The following TM9SF2 variants were observed in gnomAD, a reference collection of about 807,000 sequenced individuals.
TM9SF2 encodes 76 kDa membrane protein.
In TM9SF2, 13 loss-of-function variants were observed where a neutral mutation model predicts 84.9. That is an observed-to-expected ratio of 0.15 (90% CI 0.10 to 0.24). The LOEUF (loss-of-function observed/expected upper bound fraction) is 0.24. Ranked by LOEUF, TM9SF2 falls within the 10% of genes least tolerant of loss-of-function variation. The probability of loss-of-function intolerance (pLI) is 1.00; values close to 1 mark genes in which losing one functional copy is unlikely to be tolerated. For missense variants in TM9SF2, 562 were observed against 818.5 expected (o/e 0.69, Z 3.82); for synonymous variants, 273 against 285.8 (o/e 0.96, Z 0.45).
intron 1 of TM9SF2, among the ~76,000 whole-genome samples, chr13:99,511,198 A>G (rs951580363): frequency 8.5e-5 from 13 of 152,102 alleles, no homozygotes; most frequent in African/African-American, 2.9e-4. Flanking sequence ...CAAAAAGTTG[A>G]AAGAGTAGTG....
intron 1 of TM9SF2, among the ~76,000 whole-genome samples, chr13:99,510,997 T>C (rs891674221): frequency 2.0e-5 from 3 of 152,204 alleles, no homozygotes; most frequent in Admixed American, 1.3e-4. Flanking sequence ...ACTATTTTTT[T>C]CCTATTTAAT....
At chr13:99,519,925 C>T in intron 2 of TM9SF2, 111 bp from the exon 3 acceptor site, 1 of 825,818 alleles carries the variant, frequency 1.2e-6, no homozygotes, top group South Asian at 1.8e-5. Flanking sequence ...TCTTACTCAT[C>T]TACTAGAGCT....
intron 3 of TM9SF2, among the ~76,000 whole-genome samples, chr13:99,520,917 G>A (rs16956643): frequency 0.017 from 2,570 of 152,152 alleles, 77 homozygotes; most frequent in African/African-American, 0.059. Flanking sequence ...TACATTTTTC[G>A]AACACCAGTT....
chr13:99,557,981 A>G (rs988460207), intron 15 of TM9SF2, among the ~76,000 whole-genome samples: 1 of 152,172 alleles, frequency 6.6e-6, no homozygotes, highest in African/African-American at 2.4e-5. Flanking sequence ...TCATTGATCT[A>G]TTTTGAGTTA....
intron 16 of TM9SF2, among the ~76,000 whole-genome samples, chr13:99,560,743 G>A (rs143439343): frequency 0.01 from 1,528 of 152,096 alleles, 29 homozygotes; most frequent in African/African-American, 0.034. Flanking sequence ...GTGCAGTGGC[G>A]CGATCTCAGC....
chr13:99,555,724 T>G, intron 15 of TM9SF2, 77 bp downstream of exon 15: 2 of 869,894 alleles, frequency 2.3e-6, no homozygotes, highest in Non-Finnish European at 3.5e-6. Context: ...TATTATTAAT[T>G]AAAATAATTT....
At chr13:99,552,555 T>C (rs1450467506) in intron 13 of TM9SF2, among the ~76,000 whole-genome samples, 1 of 152,156 alleles carries the variant, frequency 6.6e-6, no homozygotes, top group East Asian at 1.9e-4. Context: ...TAATATAGAT[T>C]AATTGGGAAA....
intron 4 of TM9SF2, among the ~76,000 whole-genome samples, chr13:99,533,999 A>T (rs552786122): frequency 6.6e-6 from 1 of 152,262 alleles, no homozygotes; most frequent in East Asian, 1.9e-4. Context: ...GGGCTTTAGC[A>T]CATAATTTGA....
intron 1 of TM9SF2, among the ~76,000 whole-genome samples, chr13:99,515,714 T>C (rs961483303): frequency 2.0e-5 from 3 of 151,718 alleles, no homozygotes; most frequent in Admixed American, 1.3e-4. Flanking sequence ...TTAATCTCCC[T>C]ATCCCTATGA....
intron 4 of TM9SF2, among the ~76,000 whole-genome samples, chr13:99,532,337 A>G (rs1313899337): frequency 6.6e-6 from 1 of 151,998 alleles, no homozygotes; most frequent in African/African-American, 2.4e-5. Context: ...AGTGTGAGCC[A>G]CCGCGCCCGG....
Position 99,552,185 on chromosome 13 carries a change from C to T in TM9SF2, c.1347C>T (p.Phe449=), listed in dbSNP as rs763482016. 1.2e-6 allele frequency: 2 copies of T among 1,613,796 alleles called. No homozygotes were observed. The highest frequency in any genetic ancestry group is 2.2e-5 in the East Asian group (1 of 44,848). ...FLCPGIVFAD[F]FIMNLILWGE... ...CTTTCAGGATTGTATTTGCTGACTT[C>T]TTTATAATGAATCTGATCCTCTGGG... Residue 449 remains phenylalanine (F), a synonymous_variant, in exon 13 of 17, where the codon TTC becomes TTT. Coordinates refer to ENST00000376387, the MANE Select transcript of TM9SF2 (RefSeq NM_004800.3).
Position 99,501,787 on chromosome 13 carries a change from G to A in TM9SF2, c.171+10G>A. 3 of 1,605,564 alleles carry A rather than the reference G, an allele frequency of 1.9e-6. No homozygotes were observed. The highest frequency in any genetic ancestry group is 2.5e-6 in the Non-Finnish European group (3 of 1,178,278). ...GAGCGACGAGTGCAAGGTGGGTGAG[G>A]CCTGACGAGCCCTCTGATGCACTGT... is the stretch of plus-strand genomic sequence containing the variant. On this transcript the variant is annotated intron_variant, in intron 1 of 16. Coordinates refer to ENST00000376387, the MANE Select transcript of TM9SF2 (RefSeq NM_004800.3).
At chr13:99,522,849 A>G (rs528222288) in intron 3 of TM9SF2, among the ~76,000 whole-genome samples, 1 of 152,344 alleles carries the variant, frequency 6.6e-6, no homozygotes, top group African/African-American at 2.4e-5. Flanking sequence ...CTGTGCAAGG[A>G]CTGTTCCTTG....
intron 11 of TM9SF2, among the ~76,000 whole-genome samples, chr13:99,548,799 T>C (rs1278890504): frequency 6.6e-6 from 1 of 152,220 alleles, no homozygotes; most frequent in Non-Finnish European, 1.5e-5. Context: ...CCCAGTTTTA[T>C]AACAAATTCT....
At chr13:99,554,650 A>C (rs966805171) in intron 14 of TM9SF2, among the ~76,000 whole-genome samples, 195 bp downstream of exon 14, 1 of 152,220 alleles carries the variant, frequency 6.6e-6, no homozygotes, top group Non-Finnish European at 1.5e-5. Flanking sequence ...AGCTAGTATA[A>C]TATGAATTCA....
intron 12 of TM9SF2, among the ~76,000 whole-genome samples, chr13:99,550,289 A>C (rs1228831433): frequency 1.3e-5 from 2 of 152,180 alleles, no homozygotes; most frequent in Admixed American, 6.5e-5. Flanking sequence ...TGAAAAAAAT[A>C]GTCTCTACTC....
intron 2 of TM9SF2, among the ~76,000 whole-genome samples, chr13:99,519,293 GT>G (rs759941780): frequency 1.5e-3 from 210 of 138,716 alleles, no homozygotes; most frequent in Non-Finnish European, 1.9e-3. Flanking sequence ...CCCAGCCCCA[GT>G]TTTTTTTTTT....
chr13:99,502,391 A>G (rs374623429), intron 1 of TM9SF2, among the ~76,000 whole-genome samples: 18 of 152,350 alleles, frequency 1.2e-4, no homozygotes, highest in African/African-American at 3.1e-4. Flanking sequence ...GTGCATTAAT[A>G]AAGAGTTGCT....
intron 4 of TM9SF2, among the ~76,000 whole-genome samples, chr13:99,532,663 A>G (rs1346092262): frequency 6.6e-6 from 1 of 152,204 alleles, no homozygotes; most frequent in African/African-American, 2.4e-5. Flanking sequence ...GCAGTTCTTC[A>G]GTAGCCTCCT....
Sources: gnomAD v4.1 joint callset for allele counts (sites outside exome capture counted in the v4.1 genomes callset) on GRCh38, gnomAD v4.1.1 for gene constraint, MANE v1.5 for transcripts, NCBI Gene and HGNC (gene_info 2026-07-23, HGNC 2026-07-21) for gene names.